HEMK2: variants seen among roughly 807,000 people sequenced by gnomAD.
HEMK2 encodes the protein methyltransferase HEMK2.
At chr21:28,753,615 C>T in the HEMK2 span, among the ~76,000 whole-genome samples, 1 of 152,142 alleles carries the variant, frequency 6.6e-6, no homozygotes, top group South Asian at 2.1e-4. Context: ...GCTTTTAAGG[C>T]AGGTGATTTG....
At chr21:28,831,682 A>AGAAGGAAG in the HEMK2 span, among the ~76,000 whole-genome samples, 15 of 20,332 alleles carry the variant, frequency 7.4e-4, no homozygotes, top group Non-Finnish European at 1.3e-3. Context: ...AAAGAAAGAA[A>AGAAGGAAG]GAAGGAAGGA....
At chr21:28,673,201 CAG>C in the HEMK2 span, among the ~76,000 whole-genome samples, 1 of 151,222 alleles carries the variant, frequency 6.6e-6, no homozygotes, top group Non-Finnish European at 1.5e-5. Context: ...GAAAGAAAAA[CAG>C]AAAGAAGAAA....
At chr21:28,741,887 G>A in the HEMK2 span, among the ~76,000 whole-genome samples, 1 of 152,146 alleles carries the variant, frequency 6.6e-6, no homozygotes, top group African/African-American at 2.4e-5. Flanking sequence ...CTGTATAATA[G>A]AATGATATAT....
At chr21:28,842,887 T>C in the HEMK2 span, among the ~76,000 whole-genome samples, 2 of 152,132 alleles carry the variant, frequency 1.3e-5, no homozygotes, top group Non-Finnish European at 2.9e-5. Context: ...GAGATGGATA[T>C]GTAAAAACCT....
chr21:28,676,720 CCTGG>C, the HEMK2 span, among the ~76,000 whole-genome samples: 2 of 152,062 alleles, frequency 1.3e-5, no homozygotes, highest in Admixed American at 1.3e-4. Flanking sequence ...ACTAGCGGAC[CCTGG>C]CTTTGTGGAG....
the HEMK2 span, among the ~76,000 whole-genome samples, chr21:28,866,696 G>A: frequency 6.6e-6 from 1 of 152,008 alleles, no homozygotes; most frequent in Non-Finnish European, 1.5e-5. Context: ...TTGCGCTACT[G>A]CACTCCAGCC....
the HEMK2 span, among the ~76,000 whole-genome samples, chr21:28,628,476 A>C: frequency 2.0e-5 from 3 of 152,062 alleles, no homozygotes; most frequent in African/African-American, 7.2e-5. Context: ...TTTGAGACAG[A>C]GTTTCACTCT....
At chr21:28,867,306 C>T in the HEMK2 span, among the ~76,000 whole-genome samples, 2 of 152,112 alleles carry the variant, frequency 1.3e-5, no homozygotes, top group Non-Finnish European at 2.9e-5. Flanking sequence ...GTGAATAACT[C>T]TTCAACATGG....
chr21:28,695,462 G>GGA, the HEMK2 span, among the ~76,000 whole-genome samples: 1 of 152,134 alleles, frequency 6.6e-6, no homozygotes, highest in Admixed American at 6.5e-5. Flanking sequence ...CATAGCTAGG[G>GGA]AGGCCTCACA....
the HEMK2 span, among the ~76,000 whole-genome samples, chr21:28,700,467 C>G: frequency 1.3e-5 from 2 of 152,092 alleles, no homozygotes; most frequent in Non-Finnish European, 2.9e-5. Context: ...GACATTACCG[C>G]CAACCCCACA....
chr21:28,824,978 G>A, the HEMK2 span, among the ~76,000 whole-genome samples: 1 of 152,124 alleles, frequency 6.6e-6, no homozygotes, highest in Admixed American at 6.6e-5. Context: ...ACCCGTCTTG[G>A]GCAAACCTGG....
chr21:28,659,611 A>T, the HEMK2 span, among the ~76,000 whole-genome samples: 1 of 152,070 alleles, frequency 6.6e-6, no homozygotes, highest in African/African-American at 2.4e-5. Context: ...TATAATGAAA[A>T]ATTAAAATGG....
the HEMK2 span, among the ~76,000 whole-genome samples, chr21:28,774,617 T>C: frequency 6.6e-6 from 1 of 152,242 alleles, no homozygotes; most frequent in African/African-American, 2.4e-5. Flanking sequence ...AATGCCCATA[T>C]ACAGAACTAT....
the HEMK2 span, among the ~76,000 whole-genome samples, chr21:28,603,545 A>ATGTGTGTG: frequency 1.0e-5 from 1 of 95,646 alleles, no homozygotes; most frequent in South Asian, 3.8e-4. Flanking sequence ...TACTGAGGAT[A>ATGTGTGTG]TATATGTGTG....
the HEMK2 span, among the ~76,000 whole-genome samples, chr21:28,662,203 C>T: frequency 2.6e-5 from 4 of 152,132 alleles, no homozygotes; most frequent in African/African-American, 9.7e-5. Context: ...GAGGGTCACG[C>T]TGATACGTGT....
chr21:28,692,121 T>C, the HEMK2 span, among the ~76,000 whole-genome samples: 1 of 152,224 alleles, frequency 6.6e-6, no homozygotes, highest in East Asian at 1.9e-4. Flanking sequence ...AAACCCACTT[T>C]ATCTAAAAGA....
At chr21:28,614,775 T>C in the HEMK2 span, among the ~76,000 whole-genome samples, 26 of 152,168 alleles carry the variant, frequency 1.7e-4, no homozygotes, top group African/African-American at 5.3e-4. Flanking sequence ...CGCCTCCACA[T>C]GGCATATGGC....
chr21:28,831,627 G>C, the HEMK2 span, among the ~76,000 whole-genome samples: 1 of 63,930 alleles, frequency 1.6e-5, no homozygotes, highest in Non-Finnish European at 2.6e-5. Flanking sequence ...AAGAAGGAAA[G>C]AAGGAAGGAA....
At chr21:28,677,452 G>A in the HEMK2 span, among the ~76,000 whole-genome samples, 2 of 152,228 alleles carry the variant, frequency 1.3e-5, no homozygotes, top group Non-Finnish European at 2.9e-5. Flanking sequence ...GCCTGGCTCT[G>A]TAGACTCCAC....
Sources: allele counts gnomAD v4.1 joint callset (sites outside exome capture counted in the v4.1 genomes callset), GRCh38; gene constraint gnomAD v4.1.1; transcripts MANE v1.5; gene names NCBI Gene and HGNC (gene_info 2026-07-23, HGNC 2026-07-21).